The following RTRAF variants were observed in gnomAD, a reference collection of about 807,000 sequenced individuals.
The protein encoded by RTRAF is RNA transcription, translation and transport factor, also known as tRNA-splicing ligase complex subunit RTRAF.
In RTRAF, 14 loss-of-function variants were observed where a neutral mutation model predicts 34.4. That is an observed-to-expected ratio of 0.41 (90% CI 0.27 to 0.64). The LOEUF (loss-of-function observed/expected upper bound fraction) is 0.64, where lower values mean the gene tolerates loss of function less well. Ranked by LOEUF, RTRAF falls within the 30% of genes least tolerant of loss-of-function variation. The pLI is 0.34. For synonymous variants in RTRAF, 96 were observed against 95.3 expected (o/e 1.01, Z -0.04); for missense variants, 291 against 288.4 (o/e 1.01, Z -0.06).
In RTRAF at chr14:52,009,001, G is replaced by C. The variant is rs892333772; in HGVS notation, c.*4485G>C. 6.6e-6 allele frequency: 1 copy of C among 152,214 alleles called. No individual in the cohort carries two copies. The highest frequency in any genetic ancestry group is 1.5e-5 in the Non-Finnish European group (1 of 68,032). The allele number at this position is 152,214 out of a possible 1,614,324, so 9.4% of individuals were successfully genotyped here. A position where few individuals can be genotyped will look rare whatever the true frequency, so the allele number is the denominator to read the frequency against. The stretch of plus-strand genomic sequence containing the variant: ...AAGGAAACAAACAGGTTTATCGTTA[G>C]AGCAGAAATAATGTTGAAAGCACTT... On this transcript the variant is annotated 3_prime_UTR_variant, in exon 8 of 8. Coordinates refer to ENST00000261700, the MANE Select transcript of RTRAF (RefSeq NM_016039.3).
In RTRAF at chr14:52,004,230, T is replaced by G. The variant is rs1164976405; in HGVS notation, c.568T>G (p.Phe190Val). The G allele has an allele frequency of 6.2e-7, 1 of 1,613,618 alleles. No individual in the cohort carries two copies. The highest frequency in any genetic ancestry group is 8.5e-7 in the Non-Finnish European group (1 of 1,179,658). The change falls in exon 7 of 8, where the codon TTT becomes GTT. Residue 190 changes from phenylalanine to valine, a missense_variant. Physicochemically the swap from Phe to Val is conservative, Grantham distance 50. Coordinates refer to ENST00000261700, the MANE Select transcript of RTRAF (RefSeq NM_016039.3). ...PVALDKHILG[F>V]DTGDAVLNEA... ...TGCTTTAGACAAACATATTCTTGGTTTTGACACAGGAGGTAAGTGATTTTG... is the reference window on the plus strand; with the variant it reads ...TGCTTTAGACAAACATATTCTTGGTGTTGACACAGGAGGTAAGTGATTTTG...
At chr14:51,993,648 C>G in intron 2 of RTRAF, 75 bp from the exon 3 acceptor site, 1 of 874,782 alleles carries the variant, frequency 1.1e-6, no homozygotes. Flanking sequence ...AGGTCTCTTT[C>G]AACTCTCCCA....
Position 51,992,195 on chromosome 14 carries a change from G to T in RTRAF, c.186+754G>T, listed in dbSNP as rs779489489. ...TTTAGTAACACTTTTGCATAAAAAA[G>T]AATTCTCAGATTAGAATAAAAATGC... On this transcript the variant is annotated intron_variant, in intron 2 of 7. Transcript: ENST00000261700. Among the ~76,000 whole-genome samples, 11 of 152,256 alleles carry T rather than the reference G, an allele frequency of 7.2e-5. No homozygotes were observed. The East Asian group carries it at 2.1e-3, about 29-fold the overall frequency.
intron 3 of RTRAF, among the ~76,000 whole-genome samples, chr14:51,997,014 A>G (rs1890531685): frequency 6.6e-6 from 1 of 152,014 alleles, no homozygotes; most frequent in Non-Finnish European, 1.5e-5. Flanking sequence ...TAGGAGTAAC[A>G]CAGAAGTGAT....
Position 52,005,284 on chromosome 14 carries a change from C to A in RTRAF, c.*768C>A. On this transcript the variant is annotated 3_prime_UTR_variant, in exon 8 of 8. Transcript: ENST00000261700. ...TACCTTTTTAAACTTGCAATAACAA[C>A]CTTCATTTTTAAAAATACAGTAGTA... The A allele has an allele frequency of 2.4e-6, 1 of 414,310 alleles. No homozygotes were observed. The highest frequency in any genetic ancestry group is 4.2e-6 in the Non-Finnish European group (1 of 237,748). 25.7% of individuals were successfully genotyped at this position (414,310 alleles called of 1,614,324 possible).
Position 52,006,810 on chromosome 14 carries a change from C to CTATT in RTRAF, c.*2295_*2298dup. The CTATT allele has an allele frequency of 1.4e-6, 1 of 711,960 alleles. No homozygotes were observed. The highest frequency in any genetic ancestry group is 2.2e-6 in the Non-Finnish European group (1 of 447,124). The allele number at this position is 711,960 out of a possible 1,614,324, so 44.1% of individuals were successfully genotyped here. On this transcript the variant is annotated 3_prime_UTR_variant, in exon 8 of 8. Coordinates refer to ENST00000261700, the MANE Select transcript of RTRAF (RefSeq NM_016039.3). Reference sequence around the variant, plus strand: ...ATTAGCAACTGTAAAATTACCTGTCCTATTACTAGTCTCCAGTTTTTAGTA... The same window carrying CTATT: ...ATTAGCAACTGTAAAATTACCTGTCCTATTTATTACTAGTCTCCAGTTTTTAGTA...
In RTRAF at chr14:52,005,858, A is replaced by G; in HGVS notation, c.*1342A>G. ...CTGATACAACACCATCCCTGGTAAC[A>G]GAAAGGAAGAGTGAATTCAGGGACA... On this transcript the variant is annotated 3_prime_UTR_variant, in exon 8 of 8. Transcript: ENST00000261700. The G allele has an allele frequency of 6.3e-7, 1 of 1,576,118 alleles. No homozygotes were observed. The highest frequency in any genetic ancestry group is 1.1e-5 in the South Asian group (1 of 90,306).
intron 3 of RTRAF, among the ~76,000 whole-genome samples, chr14:51,996,151 T>C (rs536200314): frequency 8.5e-4 from 130 of 152,214 alleles, no homozygotes; most frequent in African/African-American, 3.1e-3. Flanking sequence ...TAAAAGAAGC[T>C]TGTGTGTGGA....
rs181865443 is a variant in RTRAF, at chr14:52,010,235, T to G, written c.*5719T>G. 9.7e-4 allele frequency: 148 copies of G among 152,328 alleles called. No individual in the cohort carries two copies. Among genetic ancestry groups the G allele is most frequent in the African/African-American group, 3.4e-3 (142 of 41,566 alleles). 9.4% of individuals were successfully genotyped at this position (152,328 alleles called of 1,614,324 possible). On this transcript the variant is annotated 3_prime_UTR_variant, in exon 8 of 8. Transcript: ENST00000261700. ...AAGCTGAAGGTTTTCTTTACTGATT[T>G]GAAGGGCATCTGGGAATTTCATTTC...
chr14:51,992,052 T>G (rs17124839), intron 2 of RTRAF, among the ~76,000 whole-genome samples: 5,077 of 152,288 alleles, frequency 0.033, 443 homozygotes, highest in East Asian at 0.27. Context: ...GACTGTCGTG[T>G]TTATGCTTAT....
intron 6 of RTRAF, among the ~76,000 whole-genome samples, chr14:52,003,610 C>T (rs1043341587): frequency 6.6e-6 from 1 of 152,082 alleles, no homozygotes; most frequent in Non-Finnish European, 1.5e-5. Flanking sequence ...CCATAGTCAC[C>T]ATCTTTAGTA....
chr14:52,005,499 G>C lies in RTRAF; in HGVS notation c.*983G>C. 1.3e-6 allele frequency: 2 copies of C among 1,598,696 alleles called. No homozygotes were observed. The highest frequency in any genetic ancestry group is 3.5e-5 in the Admixed American group (2 of 56,838). ...ACATTACTGTACTTACTTTCTTCCT[G>C]TGAGAGAAGAGCAGGGGTGGGACAG... is the stretch of plus-strand genomic sequence containing the variant. On this transcript the variant is annotated 3_prime_UTR_variant, in exon 8 of 8. Coordinates refer to ENST00000261700, the MANE Select transcript of RTRAF (RefSeq NM_016039.3).
chr14:51,995,853 A>G (rs551540027), intron 3 of RTRAF, among the ~76,000 whole-genome samples: 3 of 152,144 alleles, frequency 2.0e-5, no homozygotes, highest in Non-Finnish European at 4.4e-5. Flanking sequence ...ACATGTATTC[A>G]TAAGCCTTAT....
chr14:51,998,651 T>C, intron 4 of RTRAF, 71 bp downstream of exon 4: 2 of 988,196 alleles, frequency 2.0e-6, no homozygotes, highest in Non-Finnish European at 3.0e-6. Context: ...CTTTGAAGAA[T>C]GAAGTCCAGG....
intron 7 of RTRAF, 51 bp from the exon 8 acceptor site, chr14:52,004,311 C>T (rs1447317589): frequency 4.8e-6 from 7 of 1,452,416 alleles, no homozygotes; most frequent in South Asian, 1.2e-5. Flanking sequence ...AATAAATGGC[C>T]TTAAATGTAA....
intron 1 of RTRAF, among the ~76,000 whole-genome samples, 186 bp downstream of exon 1, chr14:51,989,886 C>T (rs542944077): frequency 6.6e-6 from 1 of 152,344 alleles, no homozygotes; most frequent in African/African-American, 2.4e-5. Flanking sequence ...CCTTTAAAGC[C>T]CTCTCACCTA....
rs1890861954 is a variant in RTRAF, at chr14:52,008,078, A to T, written c.*3562A>T. On this transcript the variant is annotated 3_prime_UTR_variant, in exon 8 of 8. Coordinates refer to ENST00000261700, the MANE Select transcript of RTRAF (RefSeq NM_016039.3). ...TCCTCATGTATTATAGCCTTAAGCA[A>T]TCCCCTTGAGTTTGGGCTGCATTAG... The T allele has an allele frequency of 1.7e-5, 14 of 844,746 alleles. No individual in the cohort carries two copies. The highest frequency in any genetic ancestry group is 2.4e-5 in the Non-Finnish European group (13 of 550,606). The allele number at this position is 844,746 out of a possible 1,614,324, so 52.3% of individuals were successfully genotyped here.
In RTRAF at chr14:51,989,546, C is replaced by A. The variant is rs1031876516; in HGVS notation, c.-94C>A. ...CGGAGCGACTCAGCGCCTGCCCGCCCTCTCGCCGCGTCGCCGGTGCCTGCG... is the reference window on the plus strand; with the variant it reads ...CGGAGCGACTCAGCGCCTGCCCGCCATCTCGCCGCGTCGCCGGTGCCTGCG... On this transcript the variant is annotated 5_prime_UTR_variant, in exon 1 of 8. Transcript: ENST00000261700. 6 of 1,385,658 alleles carry A rather than the reference C, an allele frequency of 4.3e-6. No homozygotes were observed. The highest frequency in any genetic ancestry group is 5.9e-6 in the Non-Finnish European group (6 of 1,010,546). 85.8% of individuals were successfully genotyped at this position (1,385,658 alleles called of 1,614,324 possible). A position where few individuals can be genotyped will look rare whatever the true frequency, so the allele number is the denominator to read the frequency against.
At chr14:52,003,997 C>A (rs1439471433) in intron 6 of RTRAF, 197 bp from the exon 7 acceptor site, 6 of 588,860 alleles carry the variant, frequency 1.0e-5, no homozygotes, top group Non-Finnish European at 1.5e-5. Context: ...TAACTTTTCC[C>A]CCTAACCGGT....
Sources: gnomAD v4.1 joint callset for allele counts (sites outside exome capture counted in the v4.1 genomes callset) on GRCh38, gnomAD v4.1.1 for gene constraint, MANE v1.5 for transcripts, NCBI Gene and HGNC (gene_info 2026-07-23, HGNC 2026-07-21) for gene names.